The following EIF2B3 variants were observed in gnomAD, a reference collection of about 807,000 sequenced individuals.
The protein encoded by EIF2B3 is eukaryotic translation initiation factor 2B subunit gamma.
A neutral mutation model predicts 54.1 loss-of-function variants in EIF2B3; 20 were observed. The observed-to-expected ratio is 0.37, with a 90% CI of 0.26 to 0.54. The LOEUF (loss-of-function observed/expected upper bound fraction) is 0.54, where lower values mean the gene tolerates loss of function less well. Among genes scored for constraint, EIF2B3 ranks in the 20% least tolerant of loss-of-function variants. The pLI is 0.86. For synonymous variants in EIF2B3, 153 were observed against 188.1 expected (o/e 0.81, Z 1.52); for missense variants, 448 against 547.8 (o/e 0.82, Z 1.82).
intron 4 of EIF2B3, among the ~76,000 whole-genome samples, chr1:44,932,629 A>G (rs1017832200): frequency 1.3e-5 from 2 of 152,176 alleles, no homozygotes; most frequent in Non-Finnish European, 2.9e-5. Flanking sequence ...AAAAGATCCT[A>G]TAAGCTCCCC....
At chr1:44,919,598 A>C (rs1210445647) in intron 5 of EIF2B3, among the ~76,000 whole-genome samples, 1 of 151,808 alleles carries the variant, frequency 6.6e-6, no homozygotes, top group African/African-American at 2.4e-5. Flanking sequence ...ATCATTCCCA[A>C]GTTTTCTGAC....
At chr1:44,925,575 G>A (rs1177497314) in intron 5 of EIF2B3, among the ~76,000 whole-genome samples, 2 of 152,104 alleles carry the variant, frequency 1.3e-5, no homozygotes, top group Non-Finnish European at 2.9e-5. Context: ...GAAAGTTCTC[G>A]AGATCTGTTT....
Position 44,952,097 on chromosome 1 carries a change from G to C in EIF2B3, c.295-10432C>G, listed in dbSNP as rs1165271723. Reference sequence around the variant, plus strand: ...CCTGCCTCAGCCTCCCAAGTAGCTGGGACTACAGGCGCCCGCCACTACGCC... The same window carrying C: ...CCTGCCTCAGCCTCCCAAGTAGCTGCGACTACAGGCGCCCGCCACTACGCC... On this transcript the variant is annotated intron_variant, in intron 3 of 11. Coordinates refer to ENST00000360403, the MANE Select transcript of EIF2B3 (RefSeq NM_020365.5). Among the ~76,000 whole-genome samples the C allele has an allele frequency of 1.5e-5, 2 of 134,932 alleles. 1 individual carries two copies. 88.5% of individuals were successfully genotyped at this position (134,932 alleles called of 152,430 possible).
chr1:44,871,992 T>A (rs1037345144), intron 10 of EIF2B3, among the ~76,000 whole-genome samples: 10 of 149,274 alleles, frequency 6.7e-5, no homozygotes, highest in Non-Finnish European at 1.5e-4. Context: ...TCCTCCCACC[T>A]CAGGGGTTAC....
At chr1:44,955,810 G>A (rs544982884) in intron 3 of EIF2B3, among the ~76,000 whole-genome samples, 2 of 152,142 alleles carry the variant, frequency 1.3e-5, no homozygotes, top group Non-Finnish European at 2.9e-5. Context: ...ACCACAATGA[G>A]ATACCATCTA....
intron 4 of EIF2B3, among the ~76,000 whole-genome samples, chr1:44,940,939 T>G (rs1644013992): frequency 6.7e-6 from 1 of 149,926 alleles, no homozygotes; most frequent in Non-Finnish European, 1.5e-5. Context: ...TAGGCTGGAG[T>G]GCAGTGGCGT....
chr1:44,912,294 C>G (rs1012736506), intron 5 of EIF2B3, among the ~76,000 whole-genome samples: 3 of 152,130 alleles, frequency 2.0e-5, no homozygotes, highest in South Asian at 2.1e-4. Context: ...TTTCTGTATT[C>G]CAAAGGACAG....
At chr1:44,875,141 C>A (rs550256813) in intron 9 of EIF2B3, among the ~76,000 whole-genome samples, 24 of 152,176 alleles carry the variant, frequency 1.6e-4, no homozygotes, top group African/African-American at 5.5e-4. Context: ...AGAAGGGGGA[C>A]AGATTGTGCC....
At chr1:44,888,196 G>T (rs576552357) in intron 6 of EIF2B3, among the ~76,000 whole-genome samples, 12 of 151,922 alleles carry the variant, frequency 7.9e-5, no homozygotes, top group Admixed American at 2.0e-4. Context: ...CATCCATATG[G>T]TGGCTAATGT....
chr1:44,974,384 G>A (rs1569877527), intron 3 of EIF2B3, among the ~76,000 whole-genome samples: 3 of 151,078 alleles, frequency 2.0e-5, no homozygotes, highest in African/African-American at 7.3e-5. Flanking sequence ...TAGGTAGGAG[G>A]ATCACCTGAG....
intron 10 of EIF2B3, among the ~76,000 whole-genome samples, chr1:44,864,124 C>T (rs894385451): frequency 6.6e-6 from 1 of 152,192 alleles, no homozygotes; most frequent in African/African-American, 2.4e-5. Flanking sequence ...AAAGATGTAA[C>T]AGCCTTAAAG....
At chr1:44,974,814 T>C (rs552513447) in intron 3 of EIF2B3, among the ~76,000 whole-genome samples, 2 of 152,308 alleles carry the variant, frequency 1.3e-5, no homozygotes, top group Admixed American at 6.5e-5. Flanking sequence ...CAAAAATCAA[T>C]TGTATTTCTA....
chr1:44,880,047 A>G lies in EIF2B3; in HGVS notation c.785-39T>C, dbSNP rs745571058. On this transcript the variant is annotated intron_variant, in intron 7 of 11. Transcript: ENST00000360403. ...ACCCAACCAAGGAAATAAATGAGAG[A>G]GAGATAACAGAACAGATACAGACTC... 5 of 1,603,132 alleles carry G rather than the reference A, an allele frequency of 3.1e-6. No homozygotes were observed. The South Asian group carries it at 4.4e-5, about 14-fold the overall frequency.
At chr1:44,923,317 A>G (rs1482251052) in intron 5 of EIF2B3, among the ~76,000 whole-genome samples, 1 of 152,254 alleles carries the variant, frequency 6.6e-6, no homozygotes, top group African/African-American at 2.4e-5. Flanking sequence ...AAATAGATGC[A>G]TGGAAAACAA....
At chr1:44,905,443 T>TGAAACAACAGCATACATACACTC (rs1306879403) in intron 5 of EIF2B3, among the ~76,000 whole-genome samples, 1 of 152,194 alleles carries the variant, frequency 6.6e-6, no homozygotes, top group African/African-American at 2.4e-5. Flanking sequence ...GGCTCAACAC[T>TGAAACAACAGCATACATACACTC]AGACACAGAA....
chr1:44,910,954 A>G (rs892452098), intron 5 of EIF2B3, among the ~76,000 whole-genome samples: 4 of 152,116 alleles, frequency 2.6e-5, no homozygotes, highest in African/African-American at 9.7e-5. Context: ...TCTCCTGAGC[A>G]GTATAGACTG....
chr1:44,982,581 A>G (rs1438277541), intron 1 of EIF2B3, among the ~76,000 whole-genome samples: 2 of 151,790 alleles, frequency 1.3e-5, no homozygotes, highest in Non-Finnish European at 2.9e-5. Context: ...TACAGGTGTG[A>G]GCCACGTGCC....
chr1:44,874,655 A>C, intron 10 of EIF2B3, 23 bp downstream of exon 10: 1 of 1,612,476 alleles, frequency 6.2e-7, no homozygotes, highest in Non-Finnish European at 8.5e-7. Flanking sequence ...CTTTGCCTCA[A>C]GTGGGTACAG....
chr1:44,948,262 T>C (rs573712776), intron 3 of EIF2B3, among the ~76,000 whole-genome samples: 10 of 152,304 alleles, frequency 6.6e-5, no homozygotes, highest in Middle Eastern at 6.8e-3. Context: ...TTAATCATGC[T>C]GTTGCTACCA....
Sources: allele counts gnomAD v4.1 joint callset (sites outside exome capture counted in the v4.1 genomes callset), GRCh38; gene constraint gnomAD v4.1.1; transcripts MANE v1.5; gene names NCBI Gene and HGNC (gene_info 2026-07-23, HGNC 2026-07-21).